Variants in ZFPM1 observed in about 807,000 individuals in gnomAD.
ZFPM1 encodes zinc finger protein, FOG family member 1.
Under a neutral mutation model 46.3 loss-of-function variants are expected in ZFPM1, and 28 were observed. The observed-to-expected ratio is 0.60, with a 90% CI of 0.45 to 0.83. ZFPM1 has a LOEUF of 0.83. Among genes scored for constraint, ZFPM1 ranks in the 40% least tolerant of loss-of-function variants. The pLI is 0.00. For missense variants in ZFPM1, 1,878 were observed against 1,432.4 expected, an observed-to-expected ratio of 1.31 and a Z score of -5.02; for synonymous variants, 957 against 675.9, an observed-to-expected ratio of 1.42 and a Z score of -6.45.
chr16:88,502,036 C>T (rs1008506565), intron 3 of ZFPM1, among the ~76,000 whole-genome samples: 4 of 148,776 alleles, frequency 2.7e-5, no homozygotes, highest in African/African-American at 5.0e-5. Flanking sequence ...AGCTCCTCCA[C>T]CCCCGACGCG....
intron 1 of ZFPM1, among the ~76,000 whole-genome samples, chr16:88,478,577 G>A (rs1009084523): frequency 2.6e-5 from 4 of 152,262 alleles, no homozygotes; most frequent in African/African-American, 9.6e-5. Context: ...CGGGCCCACA[G>A]AGGCACACAT....
chr16:88,494,175 T>C (rs1354170762), intron 3 of ZFPM1, among the ~76,000 whole-genome samples: 1 of 152,006 alleles, frequency 6.6e-6, no homozygotes, highest in African/African-American at 2.4e-5. Context: ...TTATCTCGGA[T>C]TGGGGGGTGC....
intron 1 of ZFPM1, among the ~76,000 whole-genome samples, chr16:88,474,908 C>T (rs1311715697): frequency 2.0e-5 from 3 of 152,222 alleles, no homozygotes; most frequent in African/African-American, 7.2e-5. Context: ...TACTCGTTGG[C>T]CAGATGTGTA....
At chr16:88,494,753 AG>A (rs1909838641) in intron 3 of ZFPM1, among the ~76,000 whole-genome samples, 1 of 152,050 alleles carries the variant, frequency 6.6e-6, no homozygotes, top group South Asian at 2.1e-4. Context: ...GACTCCAGTG[AG>A]GCAGCAGGAG....
chr16:88,532,549 C>A, intron 7 of ZFPM1, 65 bp from the exon 8 acceptor site: 4 of 1,504,970 alleles, frequency 2.7e-6, no homozygotes, highest in Non-Finnish European at 3.6e-6. Context: ...CAGTCGCCTT[C>A]CTCATCCCTG....
intron 1 of ZFPM1, among the ~76,000 whole-genome samples, chr16:88,456,705 C>T (rs1907577261): frequency 6.6e-6 from 1 of 152,194 alleles, no homozygotes; most frequent in South Asian, 2.1e-4. Context: ...GGGGGCCAGC[C>T]TGTGCCAGCA....
chr16:88,535,980 T>G lies in ZFPM1; in HGVS notation c.*1001T>G, dbSNP rs1166925842. The stretch of plus-strand genomic sequence containing the variant: ...CAACGTCACTTTATTTTTTTATTTT[T>G]GGGTCTCACTCTCTTGCCCAGGCTG... On this transcript the variant is annotated 3_prime_UTR_variant, in exon 10 of 10. Transcript: ENST00000319555. 1.3e-5 allele frequency: 2 copies of G among 152,196 alleles called. No homozygotes were observed. Among genetic ancestry groups the G allele is most frequent in the Non-Finnish European group, 1.5e-5 (1 of 68,032 alleles). 9.4% of individuals were successfully genotyped at this position (152,196 alleles called of 1,614,324 possible). A position where few individuals can be genotyped will look rare whatever the true frequency, so the allele number is the denominator to read the frequency against.
At position 88,473,173 on chromosome 16, in the gene ZFPM1, G is replaced by A. The variant is rs1908505730; in HGVS notation, c.41-12766G>A. 2.0e-5 allele frequency among the ~76,000 whole-genome samples: 3 copies of A among 152,282 alleles called. No individual in the cohort carries two copies. In the South Asian group the frequency reaches 6.2e-4, roughly 32 times the overall value. ...CAGAGGGCGTGACTTCTTCCTTTCT[G>A]AAAGGCATCTGAGGGTCTGGACACT... On this transcript the variant is annotated intron_variant, in intron 1 of 9. Coordinates refer to ENST00000319555, the MANE Select transcript of ZFPM1 (RefSeq NM_153813.3).
In ZFPM1 at chr16:88,532,696, G is replaced by T; in HGVS notation, c.1029G>T (p.Thr343=). 2 of 1,610,670 alleles carry T rather than the reference G, an allele frequency of 1.2e-6. No homozygotes were observed. The highest frequency in any genetic ancestry group is 1.1e-5 in the South Asian group (1 of 90,764). Residue 343 remains threonine, a synonymous_variant, in exon 8 of 10, where the codon ACG becomes ACT. Coordinates refer to ENST00000319555, the MANE Select transcript of ZFPM1 (RefSeq NM_153813.3). ...ANCERHLKVH[T]DTLSGVCHSC... is the part of the protein sequence containing the mutation. ...GCGAGCGGCACCTCAAGGTGCACAC[G>T]GACACGCTGAGCGGTAGGCACCGCA...
At chr16:88,529,312 G>T (rs1912598777) in intron 6 of ZFPM1, among the ~76,000 whole-genome samples, 1 of 152,202 alleles carries the variant, frequency 6.6e-6, no homozygotes, top group Non-Finnish European at 1.5e-5. Context: ...GTAAGACTCA[G>T]GTTTAGCTTT....
intron 3 of ZFPM1, among the ~76,000 whole-genome samples, chr16:88,504,723 G>A (rs1597258350): frequency 6.6e-6 from 1 of 152,316 alleles, no homozygotes; most frequent in East Asian, 1.9e-4. Context: ...AGTGGTGTCT[G>A]AGACCACAGT....
chr16:88,482,468 C>G (rs1257635871), intron 1 of ZFPM1, among the ~76,000 whole-genome samples: 1 of 152,232 alleles, frequency 6.6e-6, no homozygotes, highest in African/African-American at 2.4e-5. Context: ...TTTCTCCACG[C>G]TCATCACCAC....
At chr16:88,518,723 GGATGGCTGAGAGGGTGGA>G in intron 4 of ZFPM1, among the ~76,000 whole-genome samples, 1 of 147,692 alleles carries the variant, frequency 6.8e-6, no homozygotes, top group Admixed American at 6.8e-5. Context: ...ATGGATGGAT[GGATGGCTGAGAGGGTGGA>G]TGGATGGATG....
intron 1 of ZFPM1, among the ~76,000 whole-genome samples, chr16:88,461,965 G>C (rs1044739889): frequency 6.6e-6 from 1 of 152,226 alleles, no homozygotes; most frequent in South Asian, 2.1e-4. Flanking sequence ...GTTTCTCTGG[G>C]CACTGCCCAC....
intron 1 of ZFPM1, among the ~76,000 whole-genome samples, chr16:88,482,516 A>G (rs931676383): frequency 2.6e-5 from 4 of 152,118 alleles, no homozygotes; most frequent in East Asian, 3.9e-4. Flanking sequence ...TCTTGTGTAA[A>G]TAGGAGAACC....
In ZFPM1 at chr16:88,497,986, G is replaced by C. The variant is rs903908367; in HGVS notation, c.268+8833G>C. 1.3e-5 allele frequency among the ~76,000 whole-genome samples: 2 copies of C among 152,204 alleles called. No homozygotes were observed. The highest frequency in any genetic ancestry group is 6.5e-5 in the Admixed American group (1 of 15,284). Reference sequence around the variant, plus strand: ...CTGGCTCCCTCCCCACCCGGTGTGCGTGGGTGGGAAATCATTCCAGCTATT... The same window carrying C: ...CTGGCTCCCTCCCCACCCGGTGTGCCTGGGTGGGAAATCATTCCAGCTATT... On this transcript the variant is annotated intron_variant, in intron 3 of 9. Transcript: ENST00000319555. This position sits in a 1 kb window ranked among gnomAD's most constrained non-coding sequence, Gnocchi z 5.4.
intron 6 of ZFPM1, chr16:88,531,071 A>T (rs1234834509): frequency 6.6e-6 from 1 of 152,248 alleles, no homozygotes; most frequent in African/African-American, 2.4e-5. Context: ...AACCAGCACT[A>T]ACCTGCAGAG....
chr16:88,532,523 A>G, intron 7 of ZFPM1, 91 bp from the exon 8 acceptor site: 1 of 1,350,450 alleles, frequency 7.4e-7, no homozygotes, highest in Non-Finnish European at 1.0e-6. Context: ...CCCGGCACAG[A>G]TCACGGCCCT....
intron 4 of ZFPM1, among the ~76,000 whole-genome samples, chr16:88,520,901 G>GTGGA (rs1188173735): frequency 2.5e-5 from 3 of 119,884 alleles, no homozygotes; most frequent in Non-Finnish European, 5.2e-5. Flanking sequence ...GGGAGTGTGG[G>GTGGA]TGGATGGATG....
Sources: gnomAD v4.1 joint callset for allele counts (sites outside exome capture counted in the v4.1 genomes callset) on GRCh38, gnomAD v4.1.1 for gene constraint, Gnocchi (gnomAD v3.1) non-coding constraint, MANE v1.5 for transcripts, NCBI Gene and HGNC (gene_info 2026-07-23, HGNC 2026-07-21) for gene names.